The following SLC12A1 variants were observed in gnomAD, a reference collection of about 807,000 sequenced individuals.
SLC12A1 encodes Na-K-2Cl cotransporter.
Under a neutral mutation model 130.4 loss-of-function variants are expected in SLC12A1, and 89 were observed. The observed-to-expected ratio is 0.68, with a 90% CI of 0.58 to 0.81. The LOEUF is 0.81. Among genes scored for constraint, SLC12A1 ranks in the 40% least tolerant of loss-of-function variants. SLC12A1 has a pLI of 0.00. For synonymous variants in SLC12A1, 499 were observed against 460.0 expected, an observed-to-expected ratio of 1.08 and a Z score of -1.09; for missense variants, 1,310 against 1,336.4, an observed-to-expected ratio of 0.98 and a Z score of 0.31.
chr15:48,210,138 G>A (rs2041034640), intron 2 of SLC12A1, among the ~76,000 whole-genome samples: 1 of 152,118 alleles, frequency 6.6e-6, no homozygotes, highest in African/African-American at 2.4e-5. Flanking sequence ...AGGAAAAGAA[G>A]GTTGACAGAA....
intron 17 of SLC12A1, among the ~76,000 whole-genome samples, chr15:48,267,142 G>T (rs2041840562): frequency 6.6e-6 from 1 of 152,178 alleles, no homozygotes. Context: ...TACCTCCCAT[G>T]GAGCTCTGTC....
intron 2 of SLC12A1, among the ~76,000 whole-genome samples, chr15:48,215,890 G>A (rs1378656738): frequency 1.3e-5 from 2 of 152,176 alleles, no homozygotes; most frequent in Admixed American, 6.5e-5. Flanking sequence ...CTTGATGGAG[G>A]ACGTACCCTG....
chr15:48,254,592 TAAAAAAAAAA>T lies in SLC12A1; in HGVS notation c.1943-1190_1943-1181del, dbSNP rs550686114. ...AAGATCCATTTAATACTTAAATTCG[TAAAAAAAAAA>T]AAAAAAAAAAAAAAAAAAAAAAAAA... On this transcript the variant is annotated intron_variant, in intron 15 of 26. Coordinates refer to ENST00000380993, the MANE Select transcript of SLC12A1 (RefSeq NM_000338.3). Among the ~76,000 whole-genome samples, 77 of 52,876 alleles carry T rather than the reference TAAAAAAAAAA, an allele frequency of 1.5e-3. 1 individual carries two copies. The highest frequency in any genetic ancestry group is 1.7e-3 in the Non-Finnish European group (39 of 23,394). The allele number at this position is 52,876 out of a possible 152,430, so 34.7% of individuals were successfully genotyped here.
intron 21 of SLC12A1, among the ~76,000 whole-genome samples, chr15:48,286,219 A>G (rs2042057585): frequency 6.6e-6 from 1 of 152,134 alleles, no homozygotes; most frequent in South Asian, 2.1e-4. Flanking sequence ...GTAATATAAT[A>G]GTTTTATATA....
At chr15:48,289,431 T>A (rs8041938) in intron 23 of SLC12A1, among the ~76,000 whole-genome samples, 1,835 of 122,170 alleles carry the variant, frequency 0.015, 113 homozygotes, top group East Asian at 0.085. Flanking sequence ...ATATATATAA[T>A]GTATAACTAT....
At chr15:48,254,817 G>T (rs1019353262) in intron 15 of SLC12A1, among the ~76,000 whole-genome samples, 1 of 151,722 alleles carries the variant, frequency 6.6e-6, no homozygotes, top group African/African-American at 2.4e-5. Context: ...CCAGCTACTC[G>T]GGAGGCTGAG....
intron 23 of SLC12A1, among the ~76,000 whole-genome samples, 152 bp downstream of exon 23, chr15:48,288,668 T>C (rs946958614): frequency 6.6e-6 from 1 of 152,212 alleles, no homozygotes; most frequent in African/African-American, 2.4e-5. Flanking sequence ...ATCTGGTCAG[T>C]AAATTATTCG....
chr15:48,207,445 G>A (rs2040995035), intron 1 of SLC12A1, 89 bp from the exon 2 acceptor site: 2 of 237,132 alleles, frequency 8.4e-6, no homozygotes, highest in South Asian at 1.5e-4. Context: ...TGTATGTCTT[G>A]TAAAATAAAA....
chr15:48,237,726 T>TGTAG lies in SLC12A1; in HGVS notation c.1215+2722_1215+2723insGTAG, dbSNP rs534482109. ...TACTATATACAGAACTCAGGGGTCCTTTTAACTACAGACAATAGAGTTTGG... is the reference window on the plus strand; with the variant it reads ...TACTATATACAGAACTCAGGGGTCCTGTAGTTTAACTACAGACAATAGAGTTTGG... On this transcript the variant is annotated intron_variant, in intron 9 of 26. Coordinates refer to ENST00000380993, the MANE Select transcript of SLC12A1 (RefSeq NM_000338.3). Among the ~76,000 whole-genome samples, 20 of 152,348 alleles carry TGTAG rather than the reference T, an allele frequency of 1.3e-4. No homozygotes were observed. The East Asian group carries it at 3.3e-3, about 25-fold the overall frequency.
intron 24 of SLC12A1, among the ~76,000 whole-genome samples, chr15:48,297,352 G>T (rs1364062460): frequency 6.6e-6 from 1 of 152,114 alleles, no homozygotes; most frequent in Non-Finnish European, 1.5e-5. Flanking sequence ...GTGCTTATTG[G>T]TTCAAGTTTA....
intron 10 of SLC12A1, among the ~76,000 whole-genome samples, chr15:48,244,410 C>A (rs988289694): frequency 6.6e-6 from 1 of 152,166 alleles, no homozygotes; most frequent in Non-Finnish European, 1.5e-5. Flanking sequence ...TGAAAAACAT[C>A]CAGTTGGTAG....
rs370107341 is a variant in SLC12A1, at chr15:48,220,625, A to G, written c.421-9A>G. On this transcript the variant is annotated splice_polypyrimidine_tract_variant and intron_variant, in intron 2 of 26. Coordinates refer to ENST00000380993, the MANE Select transcript of SLC12A1 (RefSeq NM_000338.3). The stretch of plus-strand genomic sequence containing the variant: ...CAACTACTGTGTTTTTGCTATCTAT[A>G]AAATGCAGAATGTGGCAGTCACCCC... The G allele has an allele frequency of 6.0e-5, 96 of 1,611,654 alleles. No homozygotes were observed. Among genetic ancestry groups the G allele is most frequent in the Non-Finnish European group, 8.0e-5 (94 of 1,178,718 alleles).
In SLC12A1 at chr15:48,255,835, A is replaced by G. The variant is rs1274585308; in HGVS notation, c.1967A>G (p.Gln656Arg). 1.9e-6 allele frequency: 3 copies of G among 1,608,002 alleles called. No individual in the cohort carries two copies. The highest frequency in any genetic ancestry group is 1.7e-5 in the Admixed American group (1 of 59,284). ...KPDVNWGSST[Q>R]ALSYVSALDN... The stretch of plus-strand genomic sequence containing the variant: ...GATGTGAACTGGGGCTCCTCCACAC[A>G]GGCTCTTTCCTACGTGAGTGCTTTA... The change falls in exon 16 of 27, where the codon CAG becomes CGG. Residue 656 changes from glutamine to arginine, a missense_variant. Transcript: ENST00000380993.
intron 16 of SLC12A1, among the ~76,000 whole-genome samples, chr15:48,256,465 C>T (rs2041708021): frequency 6.6e-6 from 1 of 152,194 alleles, no homozygotes; most frequent in Non-Finnish European, 1.5e-5. Flanking sequence ...TTTCATACTG[C>T]TATGAAGAAA....
In SLC12A1 at chr15:48,298,811, T is replaced by C. The variant is rs567982476; in HGVS notation, c.2961-329T>C. ...TACAACTATGTCTTCGACTACACTA[T>C]GCAGAAAATGTCTTTGCAGAACAAT... On this transcript the variant is annotated intron_variant, in intron 24 of 26. Coordinates refer to ENST00000380993, the MANE Select transcript of SLC12A1 (RefSeq NM_000338.3). 2.0e-3 allele frequency among the ~76,000 whole-genome samples: 309 copies of C among 152,346 alleles called. 2 individuals carry two copies. Among genetic ancestry groups the C allele is most frequent in the South Asian group, 0.018 (88 of 4,830 alleles).
chr15:48,268,646 G>C lies in SLC12A1; in HGVS notation c.2295+945G>C, dbSNP rs143052995. Among the ~76,000 whole-genome samples the C allele has an allele frequency of 3.3e-5, 5 of 152,286 alleles. No individual in the cohort carries two copies. The East Asian group carries it at 9.6e-4, about 29-fold the overall frequency. On this transcript the variant is annotated intron_variant, in intron 18 of 26. Transcript: ENST00000380993. ...CACTTGCGAAGTAGATGCACGTACA[G>C]AGAAACAATTTCTGCAAAACCTATT...
rs546606004 is a variant in SLC12A1 at position 48,207,607 on chromosome 15, A to C, written c.-113A>C. ...CTATTTATTGAATCATCTAGAACAA[A>C]AGCCAGGAGCTCCCTAATGGAAGCA... On this transcript the variant is annotated 5_prime_UTR_variant, in exon 2 of 27. Transcript: ENST00000380993. The C allele has an allele frequency of 8.8e-6, 7 of 794,276 alleles. No homozygotes were observed. In the Admixed American group the frequency reaches 2.3e-4, roughly 26 times the overall value. 49.2% of individuals were successfully genotyped at this position (794,276 alleles called of 1,614,324 possible).
rs148803930 is a variant in SLC12A1 at position 48,216,888 on chromosome 15, C to T, written c.421-3746C>T. ...GAATTTTTAATGGACTGGAAAACAGCCTCAAATGTTTCATGCATCTGAAAT... is the reference window on the plus strand; with the variant it reads ...GAATTTTTAATGGACTGGAAAACAGTCTCAAATGTTTCATGCATCTGAAAT... On this transcript the variant is annotated intron_variant, in intron 2 of 26. Coordinates refer to ENST00000380993, the MANE Select transcript of SLC12A1 (RefSeq NM_000338.3). Among the ~76,000 whole-genome samples, 176 of 152,208 alleles carry T rather than the reference C, an allele frequency of 1.2e-3. 1 individual carries two copies. Among genetic ancestry groups the T allele is most frequent in the African/African-American group, 4.0e-3 (165 of 41,530 alleles).
chr15:48,243,380 A>G (rs57191744), intron 10 of SLC12A1, among the ~76,000 whole-genome samples: 8,786 of 152,218 alleles, frequency 0.058, 280 homozygotes, highest in East Asian at 0.097. Context: ...ATAATTGGCC[A>G]GGTGCAGTGG....
Sources: allele counts gnomAD v4.1 joint callset (sites outside exome capture counted in the v4.1 genomes callset), GRCh38; gene constraint gnomAD v4.1.1; transcripts MANE v1.5; gene names NCBI Gene and HGNC (gene_info 2026-07-23, HGNC 2026-07-21).